EEFSEC: variants seen among roughly 807,000 people sequenced by gnomAD.
EEFSEC encodes the protein eukaryotic elongation factor, selenocysteine-tRNA specific.
A neutral mutation model predicts 42.1 loss-of-function variants in EEFSEC; 43 were observed. The observed-to-expected ratio is 1.02, with a 90% CI of 0.80 to 1.32. The LOEUF is 1.32. EEFSEC is among the 40% of genes most tolerant of loss of function. EEFSEC has a pLI of 0.00. For missense variants in EEFSEC, 745 were observed against 803.6 expected, an observed-to-expected ratio of 0.93 and a Z score of 0.88; for synonymous variants, 354 against 339.1, an observed-to-expected ratio of 1.04 and a Z score of -0.48.
intron 6 of EEFSEC, among the ~76,000 whole-genome samples, chr3:128,382,324 C>T (rs1205933568): frequency 6.6e-6 from 1 of 152,228 alleles, no homozygotes. Flanking sequence ...GAGCAGGGAG[C>T]GTGCAGGGAG....
chr3:128,173,757 C>A (rs2065321650), intron 1 of EEFSEC, among the ~76,000 whole-genome samples: 1 of 152,146 alleles, frequency 6.6e-6, no homozygotes, highest in African/African-American at 2.4e-5. Context: ...GATCATATTT[C>A]AAAACACAAA....
chr3:128,165,428 T>C (rs1366468718), intron 1 of EEFSEC, among the ~76,000 whole-genome samples: 1 of 152,224 alleles, frequency 6.6e-6, no homozygotes, highest in African/African-American at 2.4e-5. Flanking sequence ...TTTTGTTAAT[T>C]GGGTCTTTTA....
At chr3:128,343,210 C>T (rs978059758) in intron 5 of EEFSEC, among the ~76,000 whole-genome samples, 1 of 152,192 alleles carries the variant, frequency 6.6e-6, no homozygotes, top group Non-Finnish European at 1.5e-5. Flanking sequence ...ATCGCCCACC[C>T]TCCGCTCCAG....
intron 4 of EEFSEC, among the ~76,000 whole-genome samples, chr3:128,296,843 GC>G (rs2066711587): frequency 6.6e-6 from 1 of 152,192 alleles, no homozygotes; most frequent in Non-Finnish European, 1.5e-5. Context: ...TGGCCAGAAG[GC>G]CCCCAGTGGC....
intron 4 of EEFSEC, among the ~76,000 whole-genome samples, chr3:128,294,542 C>T (rs1366564801): frequency 1.3e-5 from 2 of 152,176 alleles, no homozygotes; most frequent in African/African-American, 4.8e-5. Flanking sequence ...CAGCAGGGCC[C>T]CAGACCTAAG....
intron 6 of EEFSEC, among the ~76,000 whole-genome samples, chr3:128,401,721 A>T (rs2068049968): frequency 6.6e-6 from 1 of 152,184 alleles, no homozygotes; most frequent in South Asian, 2.1e-4. Flanking sequence ...CCCTAGAGCA[A>T]TCCTTGGGAT....
downstream of EEFSEC, among the ~76,000 whole-genome samples, chr3:128,409,837 G>A (rs2068162019): frequency 1.3e-5 from 2 of 152,222 alleles, no homozygotes; most frequent in South Asian, 4.1e-4. Context: ...CCCACTGTGT[G>A]CTGTGCCCCA....
intron 1 of EEFSEC, among the ~76,000 whole-genome samples, chr3:128,232,820 G>T (rs2065972035): frequency 1.3e-5 from 2 of 152,180 alleles, no homozygotes. Context: ...GTTAGGTTGG[G>T]AGCCCTGTGG....
intron 1 of EEFSEC, among the ~76,000 whole-genome samples, chr3:128,204,488 CCT>C (rs1263712702): frequency 1.3e-5 from 2 of 152,014 alleles, no homozygotes; most frequent in African/African-American, 4.8e-5. Context: ...TAGGTATTTC[CCT>C]CTCTCTCCTT....
At chr3:128,380,203 G>A (rs924482589) in intron 6 of EEFSEC, among the ~76,000 whole-genome samples, 13 of 152,192 alleles carry the variant, frequency 8.5e-5, no homozygotes, top group South Asian at 2.1e-4. Flanking sequence ...CCGAGGCCCC[G>A]AGAGCCTCAT....
intron 1 of EEFSEC, among the ~76,000 whole-genome samples, chr3:128,175,057 G>A (rs1322473233): frequency 6.6e-6 from 1 of 151,782 alleles, no homozygotes; most frequent in Non-Finnish European, 1.5e-5. Flanking sequence ...TGTCATCATC[G>A]GCATTCTCTC....
At chr3:128,267,617 C>T (rs762040731) in intron 4 of EEFSEC, among the ~76,000 whole-genome samples, 1 of 152,142 alleles carries the variant, frequency 6.6e-6, no homozygotes, top group Non-Finnish European at 1.5e-5. Context: ...CAGAAATCAG[C>T]GCTTGATGAT....
At chr3:128,245,321 C>G (rs2066116024) in intron 1 of EEFSEC, among the ~76,000 whole-genome samples, 2 of 152,190 alleles carry the variant, frequency 1.3e-5, no homozygotes, top group African/African-American at 2.4e-5. Flanking sequence ...TGAGTCGAGC[C>G]TGTTTTTAAT....
Position 128,317,983 on chromosome 3 carries a change from G to T in EEFSEC, c.787-23250G>T, listed in dbSNP as rs1277868787. Among the ~76,000 whole-genome samples, 3 of 152,218 alleles carry T rather than the reference G, an allele frequency of 2.0e-5. No individual in the cohort carries two copies. The East Asian group carries it at 5.8e-4, about 29-fold the overall frequency. ...CATGGGAACTGGTTGTTAGGTGACT[G>T]TGCACTCCAGGCAGAGGCAGGATGG... On this transcript the variant is annotated intron_variant, in intron 4 of 6. Transcript: ENST00000254730. This position sits in a 1 kb window ranked among gnomAD's most constrained non-coding sequence, Gnocchi z 4.1.
At chr3:128,337,436 G>A (rs1342915338) in intron 4 of EEFSEC, among the ~76,000 whole-genome samples, 1 of 152,198 alleles carries the variant, frequency 6.6e-6, no homozygotes, top group African/African-American at 2.4e-5. Context: ...TCGGCTTGAT[G>A]GGGAGGAGGA....
At chr3:128,213,937 G>T (rs1030373779) in intron 1 of EEFSEC, among the ~76,000 whole-genome samples, 1 of 152,126 alleles carries the variant, frequency 6.6e-6, no homozygotes, top group African/African-American at 2.4e-5. Context: ...CAAGTAAAGA[G>T]CAGGTGATGC....
chr3:128,396,529 C>T (rs1352262851), intron 6 of EEFSEC, among the ~76,000 whole-genome samples: 1 of 152,186 alleles, frequency 6.6e-6, no homozygotes, highest in African/African-American at 2.4e-5. Context: ...GGATCGTCTC[C>T]GCCCTCCCAA....
intron 1 of EEFSEC, among the ~76,000 whole-genome samples, chr3:128,160,860 A>G (rs2065179738): frequency 6.6e-6 from 1 of 152,166 alleles, no homozygotes; most frequent in Admixed American, 6.5e-5. Context: ...ATTGGGTTTT[A>G]TCTCCCTTGA....
intron 4 of EEFSEC, among the ~76,000 whole-genome samples, chr3:128,280,699 C>T (rs1052322872): frequency 1.3e-5 from 2 of 152,338 alleles, no homozygotes; most frequent in Non-Finnish European, 2.9e-5. Context: ...CCCTCTGGGC[C>T]CTCAAGCTGG....
Sources: allele counts gnomAD v4.1 joint callset (sites outside exome capture counted in the v4.1 genomes callset), GRCh38; gene constraint gnomAD v4.1.1; non-coding constraint Gnocchi (gnomAD v3.1); transcripts MANE v1.5; gene names NCBI Gene and HGNC (gene_info 2026-07-23, HGNC 2026-07-21).